The following USP14 variants were observed in gnomAD, a reference collection of about 807,000 sequenced individuals.
The protein encoded by USP14 is ubiquitin specific peptidase 14.
USP14 carries 38 observed loss-of-function variants against 76.5 expected under a neutral mutation model. That is an observed-to-expected ratio of 0.50 (90% CI 0.38 to 0.65). USP14 has a LOEUF of 0.65. Ranked by LOEUF, USP14 falls within the 30% of genes least tolerant of loss-of-function variation. The pLI is 0.00. For missense variants in USP14, 467 were observed against 586.5 expected, an observed-to-expected ratio of 0.80 and a Z score of 2.10; for synonymous variants, 192 against 191.7, an observed-to-expected ratio of 1.00 and a Z score of -0.01.
intron 5 of USP14, among the ~76,000 whole-genome samples, chr18:181,373 T>C (rs907364463): frequency 6.6e-6 from 1 of 152,236 alleles, no homozygotes; most frequent in African/African-American, 2.4e-5. Context: ...CATCTAGCGC[T>C]ATGAAGTGTG....
intron 3 of USP14, among the ~76,000 whole-genome samples, chr18:173,565 C>A (rs553054124): frequency 5.3e-5 from 8 of 152,218 alleles, no homozygotes; most frequent in Admixed American, 2.6e-4. Flanking sequence ...GCATGCACCA[C>A]CACACCCAGC....
chr18:209,297 T>C (rs1311243836), intron 13 of USP14, among the ~76,000 whole-genome samples: 2 of 152,220 alleles, frequency 1.3e-5, no homozygotes, highest in Non-Finnish European at 2.9e-5. Flanking sequence ...GTGGAATCCT[T>C]TGACTTCTTG....
chr18:198,147 C>T lies in USP14; in HGVS notation c.761+15C>T. ...TTTGAAACTACGTATCCTTATGAGCCAAGATATAGACTATACTCATACCTT... is the reference window on the plus strand; with the variant it reads ...TTTGAAACTACGTATCCTTATGAGCTAAGATATAGACTATACTCATACCTT... On this transcript the variant is annotated intron_variant, in intron 9 of 15. Coordinates refer to ENST00000261601, the MANE Select transcript of USP14 (RefSeq NM_005151.4). 6.3e-7 allele frequency: 1 copy of T among 1,594,370 alleles called. No individual in the cohort carries two copies. Among genetic ancestry groups the T allele is most frequent in the South Asian group, 1.1e-5 (1 of 88,176 alleles).
At chr18:192,729 C>G (rs1265749891) in intron 5 of USP14, 113 bp from the exon 6 acceptor site, 21 of 892,014 alleles carry the variant, frequency 2.4e-5, no homozygotes, top group Non-Finnish European at 2.4e-5. Flanking sequence ...GGGAACAACT[C>G]TGAGAAACTT....
At chr18:196,955 G>C (rs758067980) in intron 7 of USP14, among the ~76,000 whole-genome samples, 188 bp downstream of exon 7, 4 of 152,154 alleles carry the variant, frequency 2.6e-5, no homozygotes, top group African/African-American at 4.8e-5. Flanking sequence ...CCCCTTTGCA[G>C]TTTCTCTACA....
At chr18:200,185 G>C (rs1208699009) in intron 10 of USP14, among the ~76,000 whole-genome samples, 1 of 152,150 alleles carries the variant, frequency 6.6e-6, no homozygotes, top group Non-Finnish European at 1.5e-5. Context: ...CTTAGAGATA[G>C]TTGTTTTCAT....
chr18:162,798 G>C (rs996806570), intron 1 of USP14, among the ~76,000 whole-genome samples: 2 of 148,222 alleles, frequency 1.3e-5, no homozygotes, highest in Admixed American at 1.4e-4. Context: ...TGAAGTCTCA[G>C]TTTCTTTTTT....
In USP14 at chr18:183,901, G is replaced by A. The variant is rs1162174197; in HGVS notation, c.404+3562G>A. ...CAGTTGCAAATTATCTGAATAGGTA[G>A]TTTGCTGGGGTAGCTTTCTGGCTAG... On this transcript the variant is annotated intron_variant, in intron 5 of 15. Coordinates refer to ENST00000261601, the MANE Select transcript of USP14 (RefSeq NM_005151.4). Among the ~76,000 whole-genome samples the A allele has an allele frequency of 2.0e-5, 3 of 152,124 alleles. No individual in the cohort carries two copies. In the East Asian group the frequency reaches 5.8e-4, roughly 29 times the overall value.
At position 173,526 on chromosome 18, in the gene USP14, C is replaced by G. The variant is rs9947791; in HGVS notation, c.196-5407C>G. Among the ~76,000 whole-genome samples the G allele has an allele frequency of 7.5e-3, 1,141 of 152,270 alleles. 11 individuals carry two copies. The highest frequency in any genetic ancestry group is 0.026 in the African/African-American group (1,076 of 41,544). ...TCCCAGGTTCAAGAGATTCTCCTGC[C>G]TCAGCCTCCTGAGTAGCTGGGATTA... On this transcript the variant is annotated intron_variant, in intron 3 of 15. Coordinates refer to ENST00000261601, the MANE Select transcript of USP14 (RefSeq NM_005151.4).
intron 13 of USP14, among the ~76,000 whole-genome samples, chr18:205,936 C>T (rs1225106646): frequency 1.3e-5 from 2 of 152,172 alleles, no homozygotes; most frequent in Non-Finnish European, 2.9e-5. Flanking sequence ...TGTGAATTTA[C>T]CACAATCTGC....
intron 2 of USP14, among the ~76,000 whole-genome samples, chr18:164,682 G>A (rs527256980): frequency 6.6e-6 from 1 of 152,262 alleles, no homozygotes; most frequent in East Asian, 1.9e-4. Flanking sequence ...TTGAACTCCT[G>A]ACCTCAAGTG....
Position 199,204 on chromosome 18 carries a change from T to C in USP14, c.764T>C (p.Met255Thr). The C allele has an allele frequency of 6.2e-7, 1 of 1,608,654 alleles. No homozygotes were observed. Among genetic ancestry groups the C allele is most frequent in the Non-Finnish European group, 8.5e-7 (1 of 1,175,204 alleles). Reference protein sequence around the residue: ...QFFGVEFETTMKCTESEEEEV... With the variant: ...QFFGVEFETTTKCTESEEEEV... Reference sequence around the variant, plus strand: ...ATTCCTTATCTTAGTTTACAAAGCATGAAATGTACAGAATCTGAAGAAGAA... The same window carrying C: ...ATTCCTTATCTTAGTTTACAAAGCACGAAATGTACAGAATCTGAAGAAGAA... The change falls in exon 10 of 16, where the codon ATG becomes ACG. Residue 255 changes from methionine (M) to threonine (T), a missense_variant and splice_region_variant. Met to Thr is a moderately conservative substitution (Grantham distance 81). Coordinates refer to ENST00000261601, the MANE Select transcript of USP14 (RefSeq NM_005151.4).
At chr18:165,982 A>T (rs559548069) in intron 2 of USP14, among the ~76,000 whole-genome samples, 1 of 148,462 alleles carries the variant, frequency 6.7e-6, no homozygotes, top group Admixed American at 6.9e-5. Context: ...TAAAAATATT[A>T]CTCTGGACTA....
chr18:210,350 A>G (rs1288647632), intron 14 of USP14, 36 bp from the exon 15 acceptor site: 4 of 1,444,894 alleles, frequency 2.8e-6, no homozygotes, highest in Non-Finnish European at 3.8e-6. Flanking sequence ...ATGTCTATTC[A>G]TTGTCTAATA....
Position 214,612 on chromosome 18 carries a change from A to T in USP14, c.*3328A>T. 7.0e-7 allele frequency: 1 copy of T among 1,432,144 alleles called. No homozygotes were observed. The highest frequency in any genetic ancestry group is 9.5e-7 in the Non-Finnish European group (1 of 1,054,304). 88.7% of individuals were successfully genotyped at this position (1,432,144 alleles called of 1,614,324 possible). A position where few individuals can be genotyped will look rare whatever the true frequency, so the allele number is the denominator to read the frequency against. ...AATCTATCACAGTTTTAATAAAAAG[A>T]AAAAAAAAAGAAGCTAACTATTTGT... is the stretch of plus-strand genomic sequence containing the variant. On this transcript the variant is annotated 3_prime_UTR_variant, in exon 16 of 16. Coordinates refer to ENST00000261601, the MANE Select transcript of USP14 (RefSeq NM_005151.4).
chr18:184,519 C>T (rs912485992), intron 5 of USP14, among the ~76,000 whole-genome samples: 2 of 151,976 alleles, frequency 1.3e-5, no homozygotes, highest in Admixed American at 6.6e-5. Flanking sequence ...TTTGGGAGGC[C>T]GAGGCAGGTA....
chr18:166,230 T>A (rs986949734), intron 2 of USP14, among the ~76,000 whole-genome samples: 1 of 152,244 alleles, frequency 6.6e-6, no homozygotes, highest in Non-Finnish European at 1.5e-5. Context: ...TTTTTAGTAT[T>A]TGATGCTGTA....
At chr18:201,983 G>A (rs1351344138) in intron 10 of USP14, among the ~76,000 whole-genome samples, 2 of 152,136 alleles carry the variant, frequency 1.3e-5, no homozygotes, top group Non-Finnish European at 2.9e-5. Flanking sequence ...ATGTTAAAAA[G>A]CTACTCCACA....
rs1254309860 is a variant in USP14, at chr18:214,470, AGC to A, written c.*3187_*3188del. On this transcript the variant is annotated 3_prime_UTR_variant, in exon 16 of 16. Coordinates refer to ENST00000261601, the MANE Select transcript of USP14 (RefSeq NM_005151.4). ...CCCAACCTCCCCAAACTCTGGTTTG[AGC>A]CAATATGTGTTCTATTGTTCTCAGA... The A allele has an allele frequency of 1.6e-6, 1 of 633,486 alleles. No homozygotes were observed. The highest frequency in any genetic ancestry group is 2.7e-6 in the Non-Finnish European group (1 of 377,132). 39.2% of individuals were successfully genotyped at this position (633,486 alleles called of 1,614,324 possible).
Sources: allele counts gnomAD v4.1 joint callset (sites outside exome capture counted in the v4.1 genomes callset), GRCh38; gene constraint gnomAD v4.1.1; transcripts MANE v1.5; gene names NCBI Gene and HGNC (gene_info 2026-07-23, HGNC 2026-07-21).